Variants in TENM3 observed in about 807,000 individuals in gnomAD.
The protein encoded by TENM3 is teneurin-3.
In TENM3, 63 loss-of-function variants were observed where a neutral mutation model predicts 255.1. That is an observed-to-expected ratio of 0.25 (90% confidence interval 0.20 to 0.30). TENM3 has a LOEUF of 0.30. Among genes scored for constraint, TENM3 ranks in the 10% least tolerant of loss-of-function variants. The pLI is 1.00. For missense variants in TENM3, 2,929 were observed against 3,461.1 expected, an observed-to-expected ratio of 0.85 and a Z score of 3.86; for synonymous variants, 1,306 against 1,322.3, an observed-to-expected ratio of 0.99 and a Z score of 0.27.
At chr4:181,539,952 C>T in the TENM3 span, among the ~76,000 whole-genome samples, 1 of 152,164 alleles carries the variant, frequency 6.6e-6, no homozygotes, top group African/African-American at 2.4e-5. Context: ...ACCAAGCCCT[C>T]AGGTCTTGGT....
intron 10 of TENM3, 112 bp from the exon 11 acceptor site, chr4:182,681,702 A>G (rs1009858377): frequency 1.2e-4 from 93 of 757,324 alleles, no homozygotes; most frequent in Non-Finnish European, 1.5e-5. Flanking sequence ...TGGTAGATAA[A>G]TATTTGATTT....
chr4:182,280,589 C>T (rs966942898), intron 1 of TENM3, among the ~76,000 whole-genome samples: 5 of 152,130 alleles, frequency 3.3e-5, no homozygotes, highest in Admixed American at 2.6e-4. Flanking sequence ...ACCTTTTCTT[C>T]TCCTCTTCCT....
At chr4:182,377,382 C>T (rs943871077) in intron 3 of TENM3, among the ~76,000 whole-genome samples, 50 of 152,236 alleles carry the variant, frequency 3.3e-4, no homozygotes, top group African/African-American at 9.1e-4. Flanking sequence ...AGCTCAATCT[C>T]GGCTCACTGC....
chr4:181,568,757 A>G, the TENM3 span, among the ~76,000 whole-genome samples: 1 of 152,298 alleles, frequency 6.6e-6, no homozygotes, highest in East Asian at 1.9e-4. Context: ...AACAGATCCC[A>G]CTTCCCTAAT....
chr4:182,399,646 G>A (rs1769092128), intron 3 of TENM3, among the ~76,000 whole-genome samples: 1 of 152,174 alleles, frequency 6.6e-6, no homozygotes, highest in Admixed American at 6.5e-5. Context: ...TTATGCCATG[G>A]CCCATTTGAG....
At chr4:182,545,688 A>G (rs1304753607) in intron 3 of TENM3, among the ~76,000 whole-genome samples, 2 of 152,064 alleles carry the variant, frequency 1.3e-5, no homozygotes, top group Non-Finnish European at 2.9e-5. Flanking sequence ...TGCCCCTGTC[A>G]ACTGGTATGG....
At chr4:182,735,656 AG>A (rs1232941623) in intron 16 of TENM3, among the ~76,000 whole-genome samples, 1 of 152,152 alleles carries the variant, frequency 6.6e-6, no homozygotes, top group African/African-American at 2.4e-5. Flanking sequence ...TTCTTCGTGG[AG>A]AAAGTAGTGA....
the TENM3 span, among the ~76,000 whole-genome samples, chr4:182,007,400 G>A: frequency 6.6e-6 from 1 of 152,010 alleles, no homozygotes; most frequent in Non-Finnish European, 1.5e-5. Context: ...TATGAATCTG[G>A]GTGCTCCTGT....
the TENM3 span, among the ~76,000 whole-genome samples, chr4:181,535,143 C>T: frequency 4.1e-3 from 631 of 152,242 alleles, 4 homozygotes; most frequent in African/African-American, 0.013. Flanking sequence ...CCCGGGATGT[C>T]CCCACTCTGG....
chr4:182,684,777 G>T (rs182902082), intron 11 of TENM3, among the ~76,000 whole-genome samples: 9 of 152,242 alleles, frequency 5.9e-5, no homozygotes, highest in African/African-American at 2.2e-4. Flanking sequence ...GCAGTGATTG[G>T]ACATGGTTCC....
chr4:181,887,934 G>GA, the TENM3 span, among the ~76,000 whole-genome samples: 1 of 152,220 alleles, frequency 6.6e-6, no homozygotes, highest in Non-Finnish European at 1.5e-5. Context: ...GTACACATGA[G>GA]AAAAAAGGCA....
intron 3 of TENM3, among the ~76,000 whole-genome samples, chr4:182,551,710 G>T (rs1052920022): frequency 6.6e-6 from 1 of 152,022 alleles, no homozygotes; most frequent in Non-Finnish European, 1.5e-5. Context: ...TTCTAAAGTT[G>T]CATCTTTTAC....
At chr4:182,146,812 A>T (rs1045498110) in intron 1 of TENM3, among the ~76,000 whole-genome samples, 13 of 152,204 alleles carry the variant, frequency 8.5e-5, no homozygotes, top group Non-Finnish European at 1.3e-4. Flanking sequence ...GATTATTGGG[A>T]ATAAAGCAGA....
chr4:181,767,410 G>A, the TENM3 span, among the ~76,000 whole-genome samples: 1 of 152,024 alleles, frequency 6.6e-6, no homozygotes, highest in Non-Finnish European at 1.5e-5. Flanking sequence ...AATCCAATAA[G>A]GAATTTATCA....
At chr4:181,474,758 G>C in the TENM3 span, among the ~76,000 whole-genome samples, 11 of 141,346 alleles carry the variant, frequency 7.8e-5, no homozygotes, top group Admixed American at 2.8e-4. Context: ...AAAAAACAAA[G>C]AAAGTTTCCA....
chr4:182,183,264 G>C (rs547265420), intron 1 of TENM3, among the ~76,000 whole-genome samples: 6 of 152,192 alleles, frequency 3.9e-5, no homozygotes, highest in African/African-American at 1.4e-4. Context: ...CAATAGAACT[G>C]CATTTGAGAA....
the TENM3 span, among the ~76,000 whole-genome samples, chr4:182,026,387 A>G: frequency 6.6e-6 from 1 of 152,196 alleles, no homozygotes; most frequent in Non-Finnish European, 1.5e-5. Context: ...GTAGTTTACT[A>G]ATATATTCAC....
the TENM3 span, among the ~76,000 whole-genome samples, chr4:181,593,554 C>T: frequency 2.4e-3 from 363 of 152,272 alleles, no homozygotes; most frequent in African/African-American, 8.4e-3. Context: ...CAATGGAAAC[C>T]AGTAGTACAT....
the TENM3 span, among the ~76,000 whole-genome samples, chr4:181,776,882 C>G: frequency 6.6e-6 from 1 of 151,974 alleles, no homozygotes; most frequent in Non-Finnish European, 1.5e-5. Context: ...AACAGGTTGC[C>G]TCTTTACTCT....
Sources: gnomAD v4.1 joint callset for allele counts (sites outside exome capture counted in the v4.1 genomes callset) on GRCh38, gnomAD v4.1.1 for gene constraint, MANE v1.5 for transcripts, NCBI Gene and HGNC (gene_info 2026-07-23, HGNC 2026-07-21) for gene names.